WWC1: variants seen among roughly 807,000 people sequenced by gnomAD.
The protein encoded by WWC1 is WW and C2 domain containing 1.
A neutral mutation model predicts 138.4 loss-of-function variants in WWC1; 55 were observed. The observed-to-expected ratio is 0.40, with a 90% CI of 0.32 to 0.50. The LOEUF is 0.50. Among genes scored for constraint, WWC1 ranks in the 20% least tolerant of loss-of-function variants. The pLI, the probability that WWC1 is intolerant of heterozygous loss-of-function variation, is 0.72. For missense variants in WWC1, 1,226 were observed against 1,420.4 expected (o/e 0.86, Z 2.20); for synonymous variants, 524 against 564.9 (o/e 0.93, Z 1.03).
rs529953326 is a variant in WWC1 at position 168,422,660 on chromosome 5, T to A, written c.1274+563T>A. Reference sequence around the variant, plus strand: ...TAGGAAACTCACACTGCCACCTACCTGCACAACACAGAGAATGTAGCCTCA... The same window carrying A: ...TAGGAAACTCACACTGCCACCTACCAGCACAACACAGAGAATGTAGCCTCA... On this transcript the variant is annotated intron_variant, in intron 10 of 22. Coordinates refer to ENST00000265293, the MANE Select transcript of WWC1 (RefSeq NM_015238.3). 3.3e-5 allele frequency among the ~76,000 whole-genome samples: 5 copies of A among 152,144 alleles called. No individual in the cohort carries two copies. In the South Asian group the frequency reaches 8.3e-4, roughly 25 times the overall value.
chr5:168,409,415 C>T (rs1397837576), intron 7 of WWC1, among the ~76,000 whole-genome samples: 1 of 152,218 alleles, frequency 6.6e-6, no homozygotes, highest in Non-Finnish European at 1.5e-5. Flanking sequence ...CACCATGTGT[C>T]CAGCTACTAG....
chr5:168,410,096 T>A, intron 8 of WWC1, 101 bp downstream of exon 8: 2 of 1,135,490 alleles, frequency 1.8e-6, no homozygotes, highest in Non-Finnish European at 2.6e-6. Flanking sequence ...TCGTCTTCTT[T>A]AATCCTCACA....
chr5:168,337,392 C>T (rs531942096), intron 1 of WWC1, among the ~76,000 whole-genome samples: 1 of 152,190 alleles, frequency 6.6e-6, no homozygotes, highest in Non-Finnish European at 1.5e-5. Context: ...CCCCTCCCCC[C>T]AGAAACAGCT....
At chr5:168,309,005 C>A (rs1228097142) in intron 1 of WWC1, among the ~76,000 whole-genome samples, 1 of 152,142 alleles carries the variant, frequency 6.6e-6, no homozygotes, top group Non-Finnish European at 1.5e-5. Flanking sequence ...TGCCCCCATT[C>A]ATGCCTCAGC....
chr5:168,355,975 G>T (rs1032846555), intron 1 of WWC1, among the ~76,000 whole-genome samples: 5 of 152,110 alleles, frequency 3.3e-5, no homozygotes, highest in South Asian at 2.1e-4. Context: ...GATTCTCTTG[G>T]GGGGGCTGTG....
At chr5:168,295,483 C>T (rs1366474027) in intron 1 of WWC1, among the ~76,000 whole-genome samples, 5 of 142,484 alleles carry the variant, frequency 3.5e-5, no homozygotes, top group African/African-American at 7.9e-5. Context: ...ATTTCTACTC[C>T]GTGTGTGTGT....
intron 5 of WWC1, among the ~76,000 whole-genome samples, chr5:168,400,231 GGTAAACTTGT>G (rs1779211470): frequency 6.7e-6 from 1 of 148,904 alleles, no homozygotes; most frequent in Non-Finnish European, 1.5e-5. Context: ...TTGTTACACA[GGTAAACTTGT>G]GTCATGGGGG....
At chr5:168,333,698 G>A (rs1033116750) in intron 1 of WWC1, among the ~76,000 whole-genome samples, 11 of 152,032 alleles carry the variant, frequency 7.2e-5, no homozygotes, top group African/African-American at 1.9e-4. Context: ...ACATCCCCCC[G>A]CCCAGGCTTT....
intron 16 of WWC1, among the ~76,000 whole-genome samples, chr5:168,443,512 A>G (rs1754975979): frequency 6.6e-6 from 1 of 152,172 alleles, no homozygotes; most frequent in African/African-American, 2.4e-5. Context: ...GAGCTGATAA[A>G]GGTCTCGAAA....
intron 3 of WWC1, among the ~76,000 whole-genome samples, chr5:168,393,217 C>G (rs892582965): frequency 6.6e-6 from 1 of 152,104 alleles, no homozygotes; most frequent in African/African-American, 2.4e-5. Flanking sequence ...TGAAATAATT[C>G]AGAAACATTT....
At chr5:168,457,934 A>C (rs939728873) in intron 19 of WWC1, among the ~76,000 whole-genome samples, 1 of 152,208 alleles carries the variant, frequency 6.6e-6, no homozygotes, top group African/African-American at 2.4e-5. Flanking sequence ...ATAGTAATAG[A>C]CTTGGGTGCA....
intron 1 of WWC1, among the ~76,000 whole-genome samples, chr5:168,332,495 T>C (rs1471520702): frequency 6.6e-6 from 1 of 152,188 alleles, no homozygotes. Context: ...TATGTGTATG[T>C]ATTTGATCAG....
intron 20 of WWC1, among the ~76,000 whole-genome samples, chr5:168,461,058 G>A (rs1485529142): frequency 6.6e-6 from 1 of 152,182 alleles, no homozygotes. Flanking sequence ...GCCGGGCCCC[G>A]TGGCTCACAC....
intron 17 of WWC1, among the ~76,000 whole-genome samples, chr5:168,451,214 G>T (rs907512400): frequency 3.3e-5 from 5 of 151,998 alleles, no homozygotes; most frequent in Non-Finnish European, 4.4e-5. Context: ...AGGCAACTCG[G>T]TTTTATCATA....
intron 1 of WWC1, among the ~76,000 whole-genome samples, chr5:168,365,920 T>C (rs1776258508): frequency 6.6e-6 from 1 of 152,204 alleles, no homozygotes; most frequent in African/African-American, 2.4e-5. Context: ...GCCCGAGTTG[T>C]GGAGGCTGGA....
chr5:168,322,307 C>T (rs961989541), intron 1 of WWC1, among the ~76,000 whole-genome samples: 1 of 151,976 alleles, frequency 6.6e-6, no homozygotes, highest in African/African-American at 2.4e-5. Flanking sequence ...GAACTGCTAT[C>T]CTAGAGAAGG....
intron 11 of WWC1, among the ~76,000 whole-genome samples, chr5:168,424,810 G>C (rs1347510417): frequency 6.6e-6 from 1 of 152,196 alleles, no homozygotes; most frequent in African/African-American, 2.4e-5. Context: ...GGGGACCCAT[G>C]TGACCGTTTG....
intron 11 of WWC1, 127 bp downstream of exon 11, chr5:168,424,195 G>T: frequency 8.3e-7 from 1 of 1,205,930 alleles, no homozygotes; most frequent in Admixed American, 3.0e-5. Flanking sequence ...GTCTTTGTAT[G>T]GCAAGTATAT....
intron 17 of WWC1, among the ~76,000 whole-genome samples, chr5:168,452,368 G>T (rs1395644204): frequency 6.6e-6 from 1 of 152,156 alleles, no homozygotes; most frequent in Non-Finnish European, 1.5e-5. Context: ...TAAAGAGGTG[G>T]TTAACACGAG....
Sources: allele counts gnomAD v4.1 joint callset (sites outside exome capture counted in the v4.1 genomes callset), GRCh38; gene constraint gnomAD v4.1.1; transcripts MANE v1.5; gene names NCBI Gene and HGNC (gene_info 2026-07-23, HGNC 2026-07-21).